MGMT: variants seen among roughly 807,000 people sequenced by gnomAD.
MGMT encodes the protein methylated-DNA--protein-cysteine methyltransferase.
A neutral mutation model predicts 15.9 loss-of-function variants in MGMT; 14 were observed. The ratio of observed to expected loss-of-function variants is 0.88; its 90% confidence interval spans 0.58 to 1.37. The LOEUF is 1.37. MGMT is among the 40% of genes most tolerant of loss of function. MGMT has a pLI of 0.00. For synonymous variants in MGMT, 130 were observed against 118.2 expected (o/e 1.10, Z -0.65); for missense variants, 282 against 268.1 (o/e 1.05, Z -0.36).
At chr10:129,731,939 T>A (rs1848502955) in intron 3 of MGMT, among the ~76,000 whole-genome samples, 1 of 152,212 alleles carries the variant, frequency 6.6e-6, no homozygotes, top group African/African-American at 2.4e-5. Context: ...CCCAGAAAAC[T>A]CTTTTGTCAC....
chr10:129,520,424 G>T (rs146736062), intron 1 of MGMT, among the ~76,000 whole-genome samples: 1 of 126,148 alleles, frequency 7.9e-6, no homozygotes, highest in Non-Finnish European at 1.6e-5. Context: ...CCTACCGTGC[G>T]CATACAGAGC....
chr10:129,535,804 A>G (rs760652058), intron 1 of MGMT, among the ~76,000 whole-genome samples: 1 of 152,230 alleles, frequency 6.6e-6, no homozygotes, highest in African/African-American at 2.4e-5. Flanking sequence ...CATTGCATAC[A>G]TGCTTCATTC....
At chr10:129,541,471 T>G (rs1846042228) in intron 2 of MGMT, among the ~76,000 whole-genome samples, 1 of 152,192 alleles carries the variant, frequency 6.6e-6, no homozygotes, top group Admixed American at 6.5e-5. Flanking sequence ...AGGCTGTATG[T>G]GTTTACTTTT....
chr10:129,508,668 C>T (rs1333731596), intron 1 of MGMT, among the ~76,000 whole-genome samples: 1 of 152,074 alleles, frequency 6.6e-6, no homozygotes, highest in East Asian at 1.9e-4. Flanking sequence ...GCCTCAGCCT[C>T]CCAAGTGGCT....
intron 2 of MGMT, among the ~76,000 whole-genome samples, chr10:129,577,024 T>G (rs1283674186): frequency 6.6e-5 from 10 of 150,748 alleles, no homozygotes; most frequent in Non-Finnish European, 1.3e-4. Context: ...CACTGCTCAA[T>G]GAAATAAAAG....
At chr10:129,522,502 C>T (rs542918346) in intron 1 of MGMT, among the ~76,000 whole-genome samples, 1 of 152,330 alleles carries the variant, frequency 6.6e-6, no homozygotes, top group South Asian at 2.1e-4. Context: ...GATCTGCGCA[C>T]ACAAGGGTTT....
intron 2 of MGMT, among the ~76,000 whole-genome samples, chr10:129,702,723 G>A (rs571030353): frequency 1.6e-4 from 25 of 152,364 alleles, no homozygotes; most frequent in South Asian, 6.2e-4. Context: ...TTGGGCTTCC[G>A]AGCAAAGGTG....
intron 3 of MGMT, among the ~76,000 whole-genome samples, chr10:129,723,069 A>T (rs1028880719): frequency 6.9e-6 from 1 of 144,658 alleles, no homozygotes; most frequent in Non-Finnish European, 1.5e-5. Flanking sequence ...CTGGATATCC[A>T]TTTTTTTTTC....
intron 2 of MGMT, among the ~76,000 whole-genome samples, chr10:129,668,987 A>G (rs1231128133): frequency 6.6e-6 from 1 of 151,978 alleles, no homozygotes; most frequent in Non-Finnish European, 1.5e-5. Context: ...ATTTTGTTGG[A>G]TTTATTATTA....
At chr10:129,646,960 C>G (rs961188223) in intron 2 of MGMT, among the ~76,000 whole-genome samples, 1 of 151,442 alleles carries the variant, frequency 6.6e-6, no homozygotes, top group Non-Finnish European at 1.5e-5. Context: ...CGCATCTGAA[C>G]ACCTGGGAGT....
chr10:129,588,357 C>T (rs1324596178), intron 2 of MGMT, among the ~76,000 whole-genome samples: 1 of 152,200 alleles, frequency 6.6e-6, no homozygotes, highest in African/African-American at 2.4e-5. Flanking sequence ...GGTGGTTAAA[C>T]CACTGAATCT....
At chr10:129,691,480 G>T (rs1847969284) in intron 2 of MGMT, among the ~76,000 whole-genome samples, 1 of 152,258 alleles carries the variant, frequency 6.6e-6, no homozygotes, top group African/African-American at 2.4e-5. Context: ...TAAGAAGAGG[G>T]TGTTAGCTCG....
At chr10:129,614,431 C>T (rs886318207) in intron 2 of MGMT, among the ~76,000 whole-genome samples, 1 of 152,170 alleles carries the variant, frequency 6.6e-6, no homozygotes, top group African/African-American at 2.4e-5. Context: ...ACCTGAGGTC[C>T]GCGGACGTCC....
chr10:129,685,329 G>A (rs1465227431), intron 2 of MGMT, among the ~76,000 whole-genome samples: 1 of 152,204 alleles, frequency 6.6e-6, no homozygotes, highest in African/African-American at 2.4e-5. Context: ...AAAACTTCCT[G>A]CCTGGCCTGG....
intron 2 of MGMT, among the ~76,000 whole-genome samples, chr10:129,592,936 A>G (rs1441003407): frequency 6.6e-6 from 1 of 152,212 alleles, no homozygotes; most frequent in Non-Finnish European, 1.5e-5. Context: ...ATCAATAGAA[A>G]TAACTTGCAT....
chr10:129,535,005 T>C (rs186572399), intron 1 of MGMT, among the ~76,000 whole-genome samples: 19 of 152,304 alleles, frequency 1.2e-4, no homozygotes, highest in African/African-American at 4.1e-4. Flanking sequence ...TGAACACAAT[T>C]GTGTCTCAAT....
intron 3 of MGMT, among the ~76,000 whole-genome samples, chr10:129,744,488 G>A (rs920383272): frequency 4.6e-5 from 7 of 152,218 alleles, no homozygotes; most frequent in Admixed American, 3.3e-4. Context: ...GCCAAGCACC[G>A]TGAAGCTGGG....
chr10:129,529,623 G>C (rs1845908119), intron 1 of MGMT, among the ~76,000 whole-genome samples: 2 of 151,940 alleles, frequency 1.3e-5, no homozygotes, highest in African/African-American at 2.4e-5. Context: ...GATGTGATCT[G>C]ATTTACTTGT....
chr10:129,637,633 G>T (rs187119830), intron 2 of MGMT, among the ~76,000 whole-genome samples: 21 of 152,130 alleles, frequency 1.4e-4, no homozygotes, highest in African/African-American at 4.8e-4. Flanking sequence ...ACGTCGGAGC[G>T]TGACTGTATT....
Sources: allele counts gnomAD v4.1 joint callset (sites outside exome capture counted in the v4.1 genomes callset), GRCh38; gene constraint gnomAD v4.1.1; transcripts MANE v1.5; gene names NCBI Gene and HGNC (gene_info 2026-07-23, HGNC 2026-07-21).